PTPRZ1: variants seen among roughly 807,000 people sequenced by gnomAD.
PTPRZ1 encodes receptor-type tyrosine-protein phosphatase zeta.
PTPRZ1 carries 82 observed loss-of-function variants against 214.1 expected under a neutral mutation model. That is an observed-to-expected ratio of 0.38 (90% CI 0.32 to 0.46). The LOEUF (loss-of-function observed/expected upper bound fraction) is 0.46. PTPRZ1 is among the 20% of genes least tolerant of loss of function. The pLI is 1.00. For missense variants in PTPRZ1, 2,603 were observed against 2,748.7 expected (o/e 0.95, Z 1.19); for synonymous variants, 945 against 987.9 (o/e 0.96, Z 0.81).
At chr7:122,030,909 G>T (rs1284655864) in intron 14 of PTPRZ1, among the ~76,000 whole-genome samples, 3 of 151,934 alleles carry the variant, frequency 2.0e-5, no homozygotes, top group Non-Finnish European at 4.4e-5. Flanking sequence ...CAGATTAAAA[G>T]TCCCAAAGGC....
In PTPRZ1 at chr7:122,019,211, T is replaced by A; in HGVS notation, c.4931T>A (p.Val1644Glu). 2 of 1,612,344 alleles carry A rather than the reference T, an allele frequency of 1.2e-6. No homozygotes were observed. The highest frequency in any genetic ancestry group is 1.7e-6 in the Non-Finnish European group (2 of 1,178,420). Residue 1644 changes from valine (V) to glutamate (E), a missense_variant, in exon 13 of 30, where the codon GTG becomes GAG. Val to Glu is a moderately radical substitution (Grantham distance 121). Transcript: ENST00000393386. ...EKKAVIPLVI[V>E]SALTFICLVV... ...AAGGCAGTTATACCCCTTGTGATCG[T>A]GTCAGCCCTGACTTTTATCTGTCTA...
intron 13 of PTPRZ1, among the ~76,000 whole-genome samples, chr7:122,024,403 C>T (rs1044209462): frequency 1.3e-5 from 2 of 151,924 alleles, no homozygotes; most frequent in Admixed American, 1.3e-4. Flanking sequence ...AGATGAAAAG[C>T]AATATGAATT....
intron 27 of PTPRZ1, among the ~76,000 whole-genome samples, chr7:122,057,849 A>G (rs553770859): frequency 2.0e-5 from 3 of 151,528 alleles, no homozygotes; most frequent in Non-Finnish European, 4.4e-5. Context: ...TTTGTATTAT[A>G]TTTTGTGAGA....
At chr7:121,931,994 C>T (rs1035049674) in intron 2 of PTPRZ1, among the ~76,000 whole-genome samples, 1 of 152,040 alleles carries the variant, frequency 6.6e-6, no homozygotes, top group Non-Finnish European at 1.5e-5. Flanking sequence ...GGAAGCTTAC[C>T]AAAGTTTTTT....
chr7:121,976,794 G>A lies in PTPRZ1; in HGVS notation c.562G>A (p.Glu188Lys), dbSNP rs1461610306. ...ALSILFEVGT[E>K]ENLDFKAIID... Reference sequence around the variant, plus strand: ...GATTCTTTTTTAACAGGTTGGGACAGAAGAAAATTTGGATTTCAAAGCGAT... The same window carrying A: ...GATTCTTTTTTAACAGGTTGGGACAAAAGAAAATTTGGATTTCAAAGCGAT... The change falls in exon 6 of 30, where the codon GAA (glutamate) becomes AAA (lysine). Residue 188 changes from glutamate to lysine, a missense_variant. Around this residue, in one of 6 missense-constraint regions of PTPRZ1, gnomAD observed 244 missense variants for 333.2 expected, o/e 0.73. Coordinates refer to ENST00000393386, the MANE Select transcript of PTPRZ1 (RefSeq NM_002851.3). 1 of 1,609,718 alleles carries A rather than the reference G, an allele frequency of 6.2e-7. No homozygotes were observed. Among genetic ancestry groups the A allele is most frequent in the Non-Finnish European group, 8.5e-7 (1 of 1,177,706 alleles).
chr7:121,897,383 G>T (rs1244137236), intron 1 of PTPRZ1, among the ~76,000 whole-genome samples: 1 of 152,140 alleles, frequency 6.6e-6, no homozygotes, highest in Non-Finnish European at 1.5e-5. Flanking sequence ...AAAAAAAAAT[G>T]TAACATGACT....
At chr7:121,930,928 G>A (rs2116383541) in intron 2 of PTPRZ1, among the ~76,000 whole-genome samples, 1 of 152,172 alleles carries the variant, frequency 6.6e-6, no homozygotes, top group Admixed American at 6.5e-5. Context: ...CCTAACCATG[G>A]AAGATGACAT....
intron 9 of PTPRZ1, among the ~76,000 whole-genome samples, chr7:121,997,362 C>A (rs1239224048): frequency 6.6e-6 from 1 of 152,056 alleles, no homozygotes; most frequent in South Asian, 2.1e-4. Context: ...ATTTTAGTAA[C>A]CTTTTAATTC....
chr7:122,005,097 A>G (rs529967841), intron 11 of PTPRZ1, among the ~76,000 whole-genome samples: 2 of 152,098 alleles, frequency 1.3e-5, no homozygotes, highest in East Asian at 3.9e-4. Context: ...TAAATTGTAT[A>G]TATATTTTTT....
intron 1 of PTPRZ1, among the ~76,000 whole-genome samples, chr7:121,896,762 G>A (rs1333374665): frequency 6.7e-6 from 1 of 150,022 alleles, no homozygotes; most frequent in Admixed American, 6.6e-5. Flanking sequence ...GACAGGGTGA[G>A]ACTCTGCCTC....
At chr7:121,997,417 A>G (rs889314052) in intron 9 of PTPRZ1, among the ~76,000 whole-genome samples, 1 of 152,194 alleles carries the variant, frequency 6.6e-6, no homozygotes, top group African/African-American at 2.4e-5. Flanking sequence ...AAAATCGTGA[A>G]ATAAATAGTA....
At chr7:121,955,480 G>T (rs761869216) in intron 2 of PTPRZ1, among the ~76,000 whole-genome samples, 1 of 151,736 alleles carries the variant, frequency 6.6e-6, no homozygotes, top group Non-Finnish European at 1.5e-5. Context: ...TGCATTTGCC[G>T]TCTCATTGGT....
Position 122,051,438 on chromosome 7 carries a change from A to C in PTPRZ1, c.6095A>C (p.Gln2032Pro), listed in dbSNP as rs550220639. The change falls in exon 24 of 30, where the codon CAG becomes CCG. Residue 2032 changes from glutamine (Q) to proline (P), a missense_variant. Transcript: ENST00000393386. ...TACTTTCTTGCCCAGCTCCTGAGCC[A>C]GTCAAATATACAGCAGAGTGACTAT... ...KLEKQFQLLS[Q>P]SNIQQSDYSA... 70 of 1,612,710 alleles carry C rather than the reference A, an allele frequency of 4.3e-5. 2 individuals carry two copies. The South Asian group carries it at 6.8e-4, about 16-fold the overall frequency.
intron 28 of PTPRZ1, 68 bp from the exon 29 acceptor site, chr7:122,059,685 G>A (rs1410956447): frequency 4.0e-6 from 6 of 1,514,494 alleles, no homozygotes; most frequent in Non-Finnish European, 4.4e-6. Flanking sequence ...TATATGCTTT[G>A]TGAGTTCTAA....
In PTPRZ1 at chr7:122,010,466, T is replaced by C. The variant is rs145973679; in HGVS notation, c.1420T>C (p.Tyr474His). ...TTHYNRIGTK[Y>H]NEAKTNRSPT... ...ACACTACAATCGCATAGGGACGAAA[T>C]ACAATGAAGCCAAGACTAACCGATC... is the stretch of plus-strand genomic sequence containing the variant. Residue 474 changes from tyrosine (Y) to histidine (H), a missense_variant, in exon 12 of 30, where the codon TAC (tyrosine) becomes CAC (histidine). Transcript: ENST00000393386. 1.3e-5 allele frequency: 21 copies of C among 1,613,832 alleles called. No homozygotes were observed. The highest frequency in any genetic ancestry group is 1.8e-5 in the Non-Finnish European group (21 of 1,179,952).
At chr7:122,041,709 A>G (rs541545037) in intron 21 of PTPRZ1, among the ~76,000 whole-genome samples, 58 of 152,290 alleles carry the variant, frequency 3.8e-4, no homozygotes, top group African/African-American at 1.2e-3. Context: ...ATTTGTTTCT[A>G]TGTGAAGTAT....
rs141571454 is a variant in PTPRZ1 at position 121,940,026 on chromosome 7, C to T, written c.124+11805C>T. Among the ~76,000 whole-genome samples the T allele has an allele frequency of 7.9e-5, 12 of 152,290 alleles. 1 individual carries two copies. Among genetic ancestry groups the T allele is most frequent in the African/African-American group, 2.9e-4 (12 of 41,578 alleles). ...AGATCTGTAGGTGAAGGAGAAATCA[C>T]TGTGCTCCAGCCTCTACCGCATTCT... On this transcript the variant is annotated intron_variant, in intron 2 of 29. Transcript: ENST00000393386.
At chr7:121,899,598 T>C (rs1794900325) in intron 1 of PTPRZ1, among the ~76,000 whole-genome samples, 1 of 152,136 alleles carries the variant, frequency 6.6e-6, no homozygotes, top group African/African-American at 2.4e-5. Flanking sequence ...CTGGAGCTCT[T>C]TGGAATTACA....
At chr7:121,938,744 G>A (rs937593784) in intron 2 of PTPRZ1, among the ~76,000 whole-genome samples, 2 of 152,078 alleles carry the variant, frequency 1.3e-5, no homozygotes, top group East Asian at 1.9e-4. Context: ...AAAAAAGGAC[G>A]GGGTGGGGGT....
Sources: allele counts gnomAD v4.1 joint callset (sites outside exome capture counted in the v4.1 genomes callset), GRCh38; gene constraint gnomAD v4.1.1; regional missense constraint gnomAD v4.1.1; transcripts MANE v1.5; gene names NCBI Gene and HGNC (gene_info 2026-07-23, HGNC 2026-07-21).